DNTTIP1: variants seen among roughly 807,000 people sequenced by gnomAD.
DNTTIP1 encodes deoxynucleotidyltransferase terminal-interacting protein 1.
A neutral mutation model predicts 52.9 loss-of-function variants in DNTTIP1; 22 were observed. The observed-to-expected ratio is 0.42, with a 90% confidence interval of 0.30 to 0.59. The LOEUF (loss-of-function observed/expected upper bound fraction) is 0.59. Among genes scored for constraint, DNTTIP1 ranks in the 20% least tolerant of loss-of-function variants. DNTTIP1 has a pLI of 0.22. For synonymous variants in DNTTIP1, 136 were observed against 155.1 expected (o/e 0.88, Z 0.92); for missense variants, 286 against 435.5 (o/e 0.66, Z 3.06).
chr20:45,811,264 C>A lies in DNTTIP1; in HGVS notation c.*69C>A, dbSNP rs1281358125. The A allele has an allele frequency of 6.6e-7, 1 of 1,525,994 alleles. No individual in the cohort carries two copies. Among genetic ancestry groups the A allele is most frequent in the Non-Finnish European group, 8.8e-7 (1 of 1,137,626 alleles). The allele number at this position is 1,525,994 out of a possible 1,614,324, so 94.5% of individuals were successfully genotyped here. Reference sequence around the variant, plus strand: ...CTCTTCCTCACGTGGCTGAGGCCACCGCTGGGACTGCTCCTAGATGGATCT... The same window carrying A: ...CTCTTCCTCACGTGGCTGAGGCCACAGCTGGGACTGCTCCTAGATGGATCT... On this transcript the variant is annotated 3_prime_UTR_variant, in exon 13 of 13. Transcript: ENST00000372622.
rs1981766185 is a variant in DNTTIP1, at chr20:45,809,800, T to C, written c.795+615T>C. 6.6e-6 allele frequency among the ~76,000 whole-genome samples: 1 copy of C among 152,228 alleles called. No individual in the cohort carries two copies. Among genetic ancestry groups the C allele is most frequent in the African/African-American group, 2.4e-5 (1 of 41,464 alleles). On this transcript the variant is annotated intron_variant, in intron 11 of 12. Coordinates refer to ENST00000372622, the MANE Select transcript of DNTTIP1 (RefSeq NM_052951.3). This position sits in a 1 kb window ranked among gnomAD's most constrained non-coding sequence, Gnocchi z 4.2. ...CACTCACTCCCACCACAGGTACTGCTCCTTTTAGAATCTAAGTGCCTTACA... is the reference window on the plus strand; with the variant it reads ...CACTCACTCCCACCACAGGTACTGCCCCTTTTAGAATCTAAGTGCCTTACA...
Position 45,795,707 on chromosome 20 carries a change from G to A in DNTTIP1, c.372+264G>A, listed in dbSNP as rs114499668. Among the ~76,000 whole-genome samples the A allele has an allele frequency of 7.1e-3, 1,083 of 152,284 alleles. 18 individuals carry two copies. Among genetic ancestry groups the A allele is most frequent in the African/African-American group, 0.025 (1,047 of 41,556 alleles). ...CTAGCTGCTTGGGAGCCATAGGCACGAGAATCGCTTGAACCTGGGAGACAG... is the reference window on the plus strand; with the variant it reads ...CTAGCTGCTTGGGAGCCATAGGCACAAGAATCGCTTGAACCTGGGAGACAG... On this transcript the variant is annotated intron_variant, in intron 4 of 12. Transcript: ENST00000372622.
rs1981831257 is a variant in DNTTIP1 at position 45,811,125 on chromosome 20, T to A, written c.920T>A (p.Met307Lys). 1 of 1,613,836 alleles carries A rather than the reference T, an allele frequency of 6.2e-7. No individual in the cohort carries two copies. Among genetic ancestry groups the A allele is most frequent in the Non-Finnish European group, 8.5e-7 (1 of 1,179,794 alleles). The change falls in exon 13 of 13, where the codon ATG becomes AAG. Residue 307 changes from methionine (M) to lysine (K), a missense_variant. Met to Lys is a moderately conservative substitution (Grantham distance 95). Around this residue, in one of 2 missense-constraint regions of DNTTIP1, gnomAD observed 78 missense variants for 169.0 expected, o/e 0.46. Transcript: ENST00000372622. ...CTACCCTCCTGGATGGTGGAGAAGA[T>A]GAGAAAGTATATGGAGACACTACGG... is the stretch of plus-strand genomic sequence containing the variant. ...FVLPSWMVEKMRKYMETLRTE... is the reference protein window; with the variant it reads ...FVLPSWMVEKKRKYMETLRTE...
At position 45,791,985 on chromosome 20, in the gene DNTTIP1, T is replaced by C; in HGVS notation, c.-20T>C. ...CGGCCGGTGACAGAGTCCAGCGGAG[T>C]TGTGGGGGCCGGGGGCGCCATGGGA... On this transcript the variant is annotated 5_prime_UTR_variant, in exon 1 of 13. Transcript: ENST00000372622. The C allele has an allele frequency of 2.4e-6, 3 of 1,238,974 alleles. No individual in the cohort carries two copies. The highest frequency in any genetic ancestry group is 3.0e-6 in the Non-Finnish European group (3 of 987,240). 76.7% of individuals were successfully genotyped at this position (1,238,974 alleles called of 1,614,324 possible).
chr20:45,801,567 C>T, intron 6 of DNTTIP1, 109 bp downstream of exon 6: 2 of 1,141,322 alleles, frequency 1.8e-6, no homozygotes, highest in South Asian at 2.6e-5. Context: ...CGGGGAGGAT[C>T]ACTTGAGCTC....
intron 4 of DNTTIP1, among the ~76,000 whole-genome samples, chr20:45,797,548 T>C (rs1981283796): frequency 6.6e-6 from 1 of 152,136 alleles, no homozygotes; most frequent in African/African-American, 2.4e-5. Context: ...ACAGGCAACC[T>C]ACAGAATGGG....
chr20:45,801,174 CGGGA>C (rs752097152), intron 5 of DNTTIP1, 32 bp downstream of exon 5: 1 of 1,604,258 alleles, frequency 6.2e-7, no homozygotes, highest in South Asian at 1.1e-5. Context: ...GGTATTGGAG[CGGGA>C]GGTCCTTCAG....
intron 4 of DNTTIP1, among the ~76,000 whole-genome samples, chr20:45,800,689 AAAAAAATATATATATATATATATATATAT>A (rs1981407098): frequency 7.7e-5 from 5 of 64,976 alleles, no homozygotes; most frequent in Non-Finnish European, 2.7e-5. Context: ...TAAAAAAAAA[AAAAAAATATATATATATATATATATATAT>A]ATATATATAT....
chr20:45,801,558 G>A (rs1303654387), intron 6 of DNTTIP1, 100 bp downstream of exon 6: 7 of 1,261,054 alleles, frequency 5.6e-6, no homozygotes, highest in East Asian at 4.7e-5. Flanking sequence ...GAGGCCAAGC[G>A]GGGAGGATCA....
At chr20:45,807,617 G>C (rs777785269) in intron 10 of DNTTIP1, among the ~76,000 whole-genome samples, 3 of 152,114 alleles carry the variant, frequency 2.0e-5, no homozygotes, top group Admixed American at 6.6e-5. Flanking sequence ...GTGGTAAAAA[G>C]ATTCAGACGA....
At chr20:45,806,675 A>G (rs1046558217) in intron 10 of DNTTIP1, among the ~76,000 whole-genome samples, 1 of 152,198 alleles carries the variant, frequency 6.6e-6, no homozygotes, top group African/African-American at 2.4e-5. Context: ...ATTCTGTGCA[A>G]GTTTTCAAGT....
intron 4 of DNTTIP1, among the ~76,000 whole-genome samples, chr20:45,797,241 C>A (rs1342977927): frequency 6.6e-6 from 1 of 152,178 alleles, no homozygotes; most frequent in Admixed American, 6.5e-5. Flanking sequence ...AGTCTTAATG[C>A]CTTACCATGA....
intron 9 of DNTTIP1, 46 bp from the exon 10 acceptor site, chr20:45,805,259 AG>A: frequency 6.2e-7 from 1 of 1,614,050 alleles, no homozygotes; most frequent in Non-Finnish European, 8.5e-7. Flanking sequence ...GTTCACTAGT[AG>A]GACTACACTT....
At chr20:45,805,076 G>A in intron 8 of DNTTIP1, 70 bp from the exon 9 acceptor site, 1 of 1,320,918 alleles carries the variant, frequency 7.6e-7, no homozygotes, top group Non-Finnish European at 1.1e-6. Flanking sequence ...AAAGGGTAGG[G>A]GGAGGAGTGT....
intron 11 of DNTTIP1, 37 bp from the exon 12 acceptor site, chr20:45,810,848 A>C (rs1374763850): frequency 1.9e-6 from 3 of 1,598,022 alleles, no homozygotes; most frequent in Non-Finnish European, 2.6e-6. Flanking sequence ...AGTGAAATGA[A>C]TCAGGCAATG....
intron 2 of DNTTIP1, 128 bp downstream of exon 2, chr20:45,792,875 A>C: frequency 1.4e-6 from 1 of 724,522 alleles, no homozygotes; most frequent in South Asian, 2.3e-5. Context: ...GGAAGAGGAG[A>C]CTCCGATTCT....
intron 10 of DNTTIP1, among the ~76,000 whole-genome samples, chr20:45,807,598 C>T (rs1361154391): frequency 1.3e-5 from 2 of 152,042 alleles, no homozygotes; most frequent in Non-Finnish European, 2.9e-5. Flanking sequence ...AATATATAAA[C>T]CCATTCCCGT....
rs1049143598 is a variant in DNTTIP1 at position 45,809,492 on chromosome 20, C to T, written c.795+307C>T. 1.3e-5 allele frequency among the ~76,000 whole-genome samples: 2 copies of T among 152,160 alleles called. No individual in the cohort carries two copies. The highest frequency in any genetic ancestry group is 1.3e-4 in the Admixed American group (2 of 15,274). On this transcript the variant is annotated intron_variant, in intron 11 of 12. Transcript: ENST00000372622. This position sits in a 1 kb window ranked among gnomAD's most constrained non-coding sequence, Gnocchi z 4.2. ...ATAAGACACACAGTACTACTTTTTCCCACTACTGCACCCACTGACAGATTT... is the reference window on the plus strand; with the variant it reads ...ATAAGACACACAGTACTACTTTTTCTCACTACTGCACCCACTGACAGATTT...
At chr20:45,808,602 T>C (rs554341117) in intron 10 of DNTTIP1, among the ~76,000 whole-genome samples, 1 of 152,326 alleles carries the variant, frequency 6.6e-6, no homozygotes, top group African/African-American at 2.4e-5. Context: ...ATCATGCCAT[T>C]GCACTCCAGC....
Sources: allele counts gnomAD v4.1 joint callset (sites outside exome capture counted in the v4.1 genomes callset), GRCh38; gene constraint gnomAD v4.1.1; regional missense constraint gnomAD v4.1.1; non-coding constraint Gnocchi (gnomAD v3.1); transcripts MANE v1.5; gene names NCBI Gene and HGNC (gene_info 2026-07-23, HGNC 2026-07-21).